ERBIN: variants seen among roughly 807,000 people sequenced by gnomAD.
ERBIN encodes densin-180-like protein.
ERBIN carries 60 observed loss-of-function variants against 158.4 expected under a neutral mutation model. The ratio of observed to expected loss-of-function variants is 0.38; its 90% CI spans 0.31 to 0.47. ERBIN has a LOEUF of 0.47. ERBIN is among the 20% of genes least tolerant of loss of function. The pLI, the probability that ERBIN is intolerant of heterozygous loss-of-function variation, is 0.99. For missense variants in ERBIN, 1,610 were observed against 1,648.0 expected (o/e 0.98, Z 0.40); for synonymous variants, 594 against 557.2 (o/e 1.07, Z -0.93).
At chr5:66,006,744 C>A (rs1300691850) in intron 4 of ERBIN, among the ~76,000 whole-genome samples, 2 of 152,088 alleles carry the variant, frequency 1.3e-5, no homozygotes, top group African/African-American at 4.8e-5. Context: ...TGAACAGACA[C>A]TTCTCAAAAG....
chr5:65,999,384 A>G (rs1752793540), intron 4 of ERBIN, among the ~76,000 whole-genome samples: 1 of 152,150 alleles, frequency 6.6e-6, no homozygotes, highest in Admixed American at 6.5e-5. Context: ...AATAAAAACA[A>G]AAGTCTTTTT....
chr5:66,060,151 G>A (rs967517375), intron 21 of ERBIN, among the ~76,000 whole-genome samples: 13 of 152,310 alleles, frequency 8.5e-5, no homozygotes, highest in African/African-American at 3.1e-4. Context: ...GAATTCAGCT[G>A]TGAATCCATG....
In ERBIN at chr5:65,992,921, T is replaced by C; in HGVS notation, c.189+14T>C. On this transcript the variant is annotated intron_variant, in intron 3 of 25. Coordinates refer to ENST00000284037, the MANE Select transcript of ERBIN (RefSeq NM_001253697.2). ...GAGCTTCCAAAGGTATGCTAATACT[T>C]TCTTTCAAGAATTATCTTTGGTTAT... is the stretch of plus-strand genomic sequence containing the variant. 6.6e-7 allele frequency: 1 copy of C among 1,518,508 alleles called. No individual in the cohort carries two copies. Among genetic ancestry groups the C allele is most frequent in the Non-Finnish European group, 8.9e-7 (1 of 1,129,598 alleles). The allele number at this position is 1,518,508 out of a possible 1,614,324, so 94.1% of individuals were successfully genotyped here. A position where few individuals can be genotyped will look rare whatever the true frequency, so the allele number is the denominator to read the frequency against.
chr5:66,022,589 T>C (rs1255526757), intron 8 of ERBIN, among the ~76,000 whole-genome samples: 1 of 152,170 alleles, frequency 6.6e-6, no homozygotes, highest in Non-Finnish European at 1.5e-5. Flanking sequence ...TGTGAGGTGA[T>C]AGAAATAACT....
At chr5:65,928,757 A>G (rs1250713507) in intron 1 of ERBIN, among the ~76,000 whole-genome samples, 1 of 152,144 alleles carries the variant, frequency 6.6e-6, no homozygotes, top group African/African-American at 2.4e-5. Context: ...CTGTTAGTTT[A>G]TCACCGAATT....
At chr5:66,007,787 T>G (rs1357093597) in intron 4 of ERBIN, among the ~76,000 whole-genome samples, 1 of 152,232 alleles carries the variant, frequency 6.6e-6, no homozygotes, top group African/African-American at 2.4e-5. Context: ...TGAAGATAGG[T>G]AATTTCAGCT....
rs1333127319 is a variant in ERBIN at position 65,992,830 on chromosome 5, C to G, written c.112C>G (p.Pro38Ala). 1 of 1,613,498 alleles carries G rather than the reference C, an allele frequency of 6.2e-7. No individual in the cohort carries two copies. The highest frequency in any genetic ancestry group is 1.1e-5 in the South Asian group (1 of 90,966). Residue 38 changes from proline to alanine, a missense_variant, in exon 3 of 26, where the codon CCG becomes GCG. This residue lies in a region of ERBIN where 596 missense variants were observed against 711.9 expected (regional missense o/e 0.84). Coordinates refer to ENST00000284037, the MANE Select transcript of ERBIN (RefSeq NM_001253697.2). ...TTCTCATTGCAGCTTAGAACAAGTT[C>G]CGAAAGAGATTTTTACTTTTGAAAA... The part of the protein sequence containing the change: ...DYSHCSLEQV[P>A]KEIFTFEKTL...
intron 14 of ERBIN, among the ~76,000 whole-genome samples, chr5:66,035,134 T>G (rs1323333530): frequency 1.3e-5 from 2 of 152,192 alleles, no homozygotes; most frequent in East Asian, 1.9e-4. Flanking sequence ...TGTTTGTGCT[T>G]CTCATGGTTA....
chr5:66,032,029 A>G, intron 14 of ERBIN, among the ~76,000 whole-genome samples: 1 of 152,260 alleles, frequency 6.6e-6, no homozygotes, highest in South Asian at 2.1e-4. Flanking sequence ...TAAAGAAAAA[A>G]AAAGAGAACA....
rs1742707050 is a variant in ERBIN at position 65,926,823 on chromosome 5, G to T, written c.-58+17G>T. ...CGCCGAAAGGTAATTTTCACGAAAA[G>T]TGTCTCTGAGTCACAAAGTTCATGG... On this transcript the variant is annotated intron_variant, in intron 1 of 25. Coordinates refer to ENST00000284037, the MANE Select transcript of ERBIN (RefSeq NM_001253697.2). 6.6e-6 allele frequency: 1 copy of T among 152,138 alleles called. No individual in the cohort carries two copies. Among genetic ancestry groups the T allele is most frequent in the Non-Finnish European group, 1.5e-5 (1 of 68,014 alleles). The allele number at this position is 152,138 out of a possible 1,614,324, so 9.4% of individuals were successfully genotyped here.
intron 15 of ERBIN, among the ~76,000 whole-genome samples, chr5:66,042,154 G>A (rs1401635774): frequency 6.6e-6 from 1 of 151,984 alleles, no homozygotes; most frequent in East Asian, 1.9e-4. Flanking sequence ...GGGTATTCCA[G>A]GAGTTTCTGG....
intron 14 of ERBIN, among the ~76,000 whole-genome samples, chr5:66,029,689 C>G (rs141969978): frequency 0.021 from 3,173 of 152,244 alleles, 118 homozygotes; most frequent in African/African-American, 0.071. Context: ...ACTGCAACCT[C>G]CACCTCCTGG....
intron 1 of ERBIN, among the ~76,000 whole-genome samples, chr5:65,936,389 T>C (rs1744083896): frequency 6.6e-6 from 1 of 152,180 alleles, no homozygotes; most frequent in Admixed American, 6.5e-5. Flanking sequence ...ATCAAATGGA[T>C]CCTTTGGGTG....
intron 14 of ERBIN, among the ~76,000 whole-genome samples, chr5:66,032,330 T>C (rs73763073): frequency 0.04 from 6,133 of 152,254 alleles, 422 homozygotes; most frequent in African/African-American, 0.14. Context: ...TTCTGACTTA[T>C]GATCAAATTC....
chr5:65,983,124 T>C (rs944354906), intron 1 of ERBIN, among the ~76,000 whole-genome samples: 9 of 152,248 alleles, frequency 5.9e-5, no homozygotes, highest in Admixed American at 5.9e-4. Context: ...AATTGCACAG[T>C]AATACATTTT....
intron 21 of ERBIN, among the ~76,000 whole-genome samples, chr5:66,067,984 G>A (rs1029907285): frequency 1.7e-4 from 26 of 151,998 alleles, no homozygotes; most frequent in East Asian, 3.9e-4. Context: ...TCATAAATTC[G>A]CGTATGTTAA....
At chr5:66,047,873 T>C (rs546161407) in intron 18 of ERBIN, among the ~76,000 whole-genome samples, 13 of 152,108 alleles carry the variant, frequency 8.5e-5, no homozygotes, top group Non-Finnish European at 1.5e-4. Flanking sequence ...GCACTGTGTT[T>C]AGAGCTAAGG....
intron 4 of ERBIN, among the ~76,000 whole-genome samples, chr5:66,010,832 G>A (rs1754122977): frequency 6.6e-6 from 1 of 152,094 alleles, no homozygotes; most frequent in Admixed American, 6.6e-5. Context: ...TTAGAACAGT[G>A]CTTTTTAAAG....
Position 66,065,425 on chromosome 5 carries a change from T to C in ERBIN, c.3634-6744T>C, listed in dbSNP as rs180780338. Among the ~76,000 whole-genome samples the C allele has an allele frequency of 2.8e-4, 43 of 152,352 alleles. No individual in the cohort carries two copies. The East Asian group carries it at 7.7e-3, about 27-fold the overall frequency. ...TACCCACCATTAACTGCTAGAAATTTATTATTTTAAGGCAGGATGGTTTGA... is the reference window on the plus strand; with the variant it reads ...TACCCACCATTAACTGCTAGAAATTCATTATTTTAAGGCAGGATGGTTTGA... On this transcript the variant is annotated intron_variant, in intron 21 of 25. Coordinates refer to ENST00000284037, the MANE Select transcript of ERBIN (RefSeq NM_001253697.2).
Sources: allele counts gnomAD v4.1 joint callset (sites outside exome capture counted in the v4.1 genomes callset), GRCh38; gene constraint gnomAD v4.1.1; regional missense constraint gnomAD v4.1.1; transcripts MANE v1.5; gene names NCBI Gene and HGNC (gene_info 2026-07-23, HGNC 2026-07-21).